IQCM: variants seen among roughly 807,000 people sequenced by gnomAD.
The protein encoded by IQCM is IQ motif containing M.
A neutral mutation model predicts 57.6 loss-of-function variants in IQCM; 45 were observed. The observed-to-expected ratio is 0.78, with a 90% CI of 0.62 to 1.00. The LOEUF (loss-of-function observed/expected upper bound fraction) is 1.00, where lower values mean the gene tolerates loss of function less well. Among genes scored for constraint, IQCM ranks in the 50% least tolerant of loss-of-function variants. The pLI, the probability that IQCM is intolerant of heterozygous loss-of-function variation, is 0.00. For missense variants in IQCM, 468 were observed against 511.6 expected (o/e 0.91, Z 0.82); for synonymous variants, 148 against 158.9 (o/e 0.93, Z 0.51).
intron 12 of IQCM, among the ~76,000 whole-genome samples, chr4:149,539,527 T>C (rs1386957374): frequency 2.0e-5 from 3 of 152,116 alleles, no homozygotes. Flanking sequence ...TTACAATGGG[T>C]GAATTTTTTA....
intron 12 of IQCM, among the ~76,000 whole-genome samples, chr4:149,458,532 A>G (rs892078882): frequency 1.3e-4 from 19 of 151,988 alleles, no homozygotes; most frequent in African/African-American, 4.1e-4. Context: ...TTAAATGCCA[A>G]TCTTTTAAAA....
At chr4:149,665,911 A>T (rs1760680903) in intron 7 of IQCM, 1 of 152,042 alleles carries the variant, frequency 6.6e-6, no homozygotes, top group Non-Finnish European at 1.5e-5. Flanking sequence ...CTGCCCTCAA[A>T]CATCAGACTC....
At chr4:149,539,495 TA>T (rs1318971711) in intron 12 of IQCM, among the ~76,000 whole-genome samples, 2 of 152,172 alleles carry the variant, frequency 1.3e-5, no homozygotes, top group Non-Finnish European at 2.9e-5. Context: ...GCACATTTAC[TA>T]AAAATCATTT....
chr4:149,361,391 G>C (rs1729475296), intron 13 of IQCM, among the ~76,000 whole-genome samples: 1 of 152,162 alleles, frequency 6.6e-6, no homozygotes. Context: ...CAAGACCATT[G>C]GGAAAATATC....
At chr4:149,517,949 C>T (rs995930332) in intron 12 of IQCM, among the ~76,000 whole-genome samples, 1 of 152,144 alleles carries the variant, frequency 6.6e-6, no homozygotes, top group African/African-American at 2.4e-5. Context: ...TAATAAACTC[C>T]ACTTTATATA....
chr4:149,353,251 T>C (rs550542962), intron 13 of IQCM, among the ~76,000 whole-genome samples: 1 of 152,296 alleles, frequency 6.6e-6, no homozygotes, highest in East Asian at 1.9e-4. Context: ...CTCGGACCCC[T>C]TAGGATGGCT....
chr4:149,741,161 A>G (rs921754183), intron 3 of IQCM, among the ~76,000 whole-genome samples: 6 of 152,224 alleles, frequency 3.9e-5, no homozygotes, highest in Non-Finnish European at 5.9e-5. Context: ...TTTCCGTAAT[A>G]CATTCTGCAT....
intron 12 of IQCM, among the ~76,000 whole-genome samples, chr4:149,491,116 T>C (rs549273676): frequency 6.6e-6 from 1 of 152,230 alleles, no homozygotes; most frequent in East Asian, 1.9e-4. Flanking sequence ...GCTTTGACTT[T>C]TGAACTCCTG....
chr4:149,624,327 CTT>C (rs1448599514), intron 7 of IQCM, among the ~76,000 whole-genome samples: 1 of 152,058 alleles, frequency 6.6e-6, no homozygotes, highest in East Asian at 1.9e-4. Context: ...AAAATTCTGA[CTT>C]TTAGATATTT....
At chr4:149,542,618 G>C (rs1747965436) in intron 12 of IQCM, among the ~76,000 whole-genome samples, 1 of 151,882 alleles carries the variant, frequency 6.6e-6, no homozygotes, top group East Asian at 1.9e-4. Context: ...TAATCGAAAG[G>C]GATGATATGG....
intron 12 of IQCM, among the ~76,000 whole-genome samples, chr4:149,440,878 G>A (rs1560841027): frequency 6.6e-6 from 1 of 151,852 alleles, no homozygotes; most frequent in Non-Finnish European, 1.5e-5. Context: ...ATAATTTAAG[G>A]CTTGTTTATT....
Position 149,523,344 on chromosome 4 carries a change from T to C in IQCM, c.1228+25111A>G, listed in dbSNP as rs528060573. 5.9e-5 allele frequency among the ~76,000 whole-genome samples: 9 copies of C among 152,064 alleles called. No homozygotes were observed. The South Asian group carries it at 8.3e-4, about 14-fold the overall frequency. ...ACAAAGAAAAAAGCATCAGACAAAG[T>C]ATTGAATTTCTCATCAACAACATAG... On this transcript the variant is annotated intron_variant, in intron 12 of 13. Coordinates refer to ENST00000636793, the MANE Select transcript of IQCM (RefSeq NM_001363507.2).
chr4:149,396,661 C>A (rs987049040), intron 13 of IQCM, among the ~76,000 whole-genome samples: 1 of 151,926 alleles, frequency 6.6e-6, no homozygotes, highest in African/African-American at 2.4e-5. Context: ...ATCTCTAGAG[C>A]TTATTTGTAT....
intron 2 of IQCM, among the ~76,000 whole-genome samples, chr4:149,755,703 G>A (rs534452323): frequency 6.6e-6 from 1 of 152,230 alleles, no homozygotes; most frequent in Admixed American, 6.5e-5. Context: ...TACATGCAGA[G>A]ACTGCTAGCT....
At chr4:149,434,601 T>C (rs1735173997) in intron 12 of IQCM, among the ~76,000 whole-genome samples, 2 of 152,118 alleles carry the variant, frequency 1.3e-5, no homozygotes, top group African/African-American at 4.8e-5. Context: ...TATAAGGCCA[T>C]ATGACATGAT....
At chr4:149,747,601 G>A (rs2149924646) in intron 2 of IQCM, among the ~76,000 whole-genome samples, 1 of 152,286 alleles carries the variant, frequency 6.6e-6, no homozygotes. Context: ...GGATACAGAG[G>A]TCCAACTACA....
intron 12 of IQCM, among the ~76,000 whole-genome samples, chr4:149,481,653 A>C (rs529144304): frequency 7.8e-6 from 1 of 128,710 alleles, no homozygotes; most frequent in South Asian, 2.4e-4. Context: ...TGGTTACCAT[A>C]GCTCTTTGGT....
chr4:149,656,466 GAA>G (rs936143059), intron 7 of IQCM, among the ~76,000 whole-genome samples: 2 of 152,124 alleles, frequency 1.3e-5, no homozygotes, highest in Non-Finnish European at 2.9e-5. Context: ...GCAACTGCCT[GAA>G]TGTAAATAGG....
intron 13 of IQCM, among the ~76,000 whole-genome samples, chr4:149,387,215 C>T (rs1731488951): frequency 6.6e-6 from 1 of 152,004 alleles, no homozygotes; most frequent in Admixed American, 6.6e-5. Flanking sequence ...TGAGTCCTCA[C>T]ATGATGGAAG....
Sources: gnomAD v4.1 joint callset for allele counts (sites outside exome capture counted in the v4.1 genomes callset) on GRCh38, gnomAD v4.1.1 for gene constraint, MANE v1.5 for transcripts, NCBI Gene and HGNC (gene_info 2026-07-23, HGNC 2026-07-21) for gene names.